MEGF9: variants seen among roughly 807,000 people sequenced by gnomAD.
The protein encoded by MEGF9 is multiple epidermal growth factor-like domains protein 9.
Under a neutral mutation model 46.8 loss-of-function variants are expected in MEGF9, and 6 were observed. The observed-to-expected ratio is 0.13, with a 90% CI of 0.07 to 0.25. The LOEUF (loss-of-function observed/expected upper bound fraction) is 0.25, where lower values mean the gene tolerates loss of function less well. Among genes scored for constraint, MEGF9 ranks in the 10% least tolerant of loss-of-function variants. MEGF9 has a pLI of 1.00. For synonymous variants in MEGF9, 302 were observed against 330.7 expected (o/e 0.91, Z 0.94); for missense variants, 683 against 792.4 (o/e 0.86, Z 1.66).
intron 1 of MEGF9, among the ~76,000 whole-genome samples, chr9:120,708,095 T>C (rs1299921337): frequency 3.3e-5 from 5 of 151,856 alleles, no homozygotes; most frequent in African/African-American, 4.8e-5. Flanking sequence ...TGGTAGCTCA[T>C]GCCTGTAATC....
intron 1 of MEGF9, among the ~76,000 whole-genome samples, chr9:120,695,315 T>A (rs1479609943): frequency 2.0e-5 from 3 of 151,758 alleles, no homozygotes; most frequent in African/African-American, 7.3e-5. Flanking sequence ...AAAAAGCAAG[T>A]AATCAAAAGG....
intron 1 of MEGF9, among the ~76,000 whole-genome samples, chr9:120,688,092 C>T (rs146808046): frequency 6.6e-6 from 1 of 150,434 alleles, no homozygotes; most frequent in Admixed American, 6.6e-5. Flanking sequence ...ACAAGTTTTG[C>T]ATCTGACTTA....
chr9:120,667,548 A>G (rs1376413199), intron 1 of MEGF9, among the ~76,000 whole-genome samples: 1 of 152,092 alleles, frequency 6.6e-6, no homozygotes, highest in Admixed American at 6.5e-5. Flanking sequence ...GCATGTAAAT[A>G]TAACTTTCAA....
At chr9:120,640,918 C>T (rs147390064) in intron 2 of MEGF9, among the ~76,000 whole-genome samples, 270 of 127,554 alleles carry the variant, frequency 2.1e-3, no homozygotes, top group African/African-American at 7.7e-3. Context: ...TCCATGTGTA[C>T]TCAATGTTTA....
intron 1 of MEGF9, among the ~76,000 whole-genome samples, chr9:120,690,681 G>C (rs1338275787): frequency 6.6e-6 from 1 of 152,118 alleles, no homozygotes; most frequent in African/African-American, 2.4e-5. Flanking sequence ...ATAATGAAAA[G>C]TTCCACTATC....
At chr9:120,706,603 G>A (rs1199427851) in intron 1 of MEGF9, among the ~76,000 whole-genome samples, 2 of 152,236 alleles carry the variant, frequency 1.3e-5, no homozygotes, top group African/African-American at 4.8e-5. Context: ...GGAAGGCCAA[G>A]GTGGGTGGAT....
chr9:120,691,549 G>A (rs555829842), intron 1 of MEGF9: 1 of 306,628 alleles, frequency 3.3e-6, no homozygotes, highest in Non-Finnish European at 6.9e-6. Flanking sequence ...AATAAAGTTG[G>A]ATAGTTTAAA....
intron 1 of MEGF9, among the ~76,000 whole-genome samples, chr9:120,683,896 A>C (rs1359691054): frequency 6.6e-6 from 1 of 151,922 alleles, no homozygotes; most frequent in African/African-American, 2.4e-5. Flanking sequence ...CCCTGCTTCA[A>C]AAAAAAACCC....
At chr9:120,642,892 G>A (rs2043609001) in intron 2 of MEGF9, among the ~76,000 whole-genome samples, 2 of 152,178 alleles carry the variant, frequency 1.3e-5, no homozygotes, top group African/African-American at 4.8e-5. Context: ...CTTCTGTAGT[G>A]TATGTAGAAA....
intron 4 of MEGF9, among the ~76,000 whole-genome samples, chr9:120,609,835 A>G (rs1395138920): frequency 1.3e-5 from 2 of 152,180 alleles, no homozygotes; most frequent in Non-Finnish European, 2.9e-5. Context: ...GTGGTCATGG[A>G]ACTTGTGGCA....
At chr9:120,709,815 G>A (rs778770987) in intron 1 of MEGF9, among the ~76,000 whole-genome samples, 1 of 151,864 alleles carries the variant, frequency 6.6e-6, no homozygotes, top group African/African-American at 2.4e-5. Flanking sequence ...TTGGGAGGCC[G>A]CGGTGGGCAG....
In MEGF9 at chr9:120,693,292, A is replaced by AAAG. The variant is rs1554799316; in HGVS notation, c.601+20463_601+20465dup. ...TGGTTAACCAAAAAAAAAAAAAAAA[A>AAAG]AAGAAGAAGAAGAAGAAGAAGAAAA... On this transcript the variant is annotated intron_variant, in intron 1 of 5. Coordinates refer to ENST00000373930, the MANE Select transcript of MEGF9 (RefSeq NM_001080497.3). 9.0e-3 allele frequency among the ~76,000 whole-genome samples: 1,333 copies of AAAG among 147,366 alleles called. 6 individuals carry two copies. Among genetic ancestry groups the AAAG allele is most frequent in the African/African-American group, 0.012 (458 of 38,566 alleles).
chr9:120,620,959 A>T (rs907122427), intron 3 of MEGF9, among the ~76,000 whole-genome samples: 1 of 152,154 alleles, frequency 6.6e-6, no homozygotes. Flanking sequence ...GACTTCAAGT[A>T]TTTTGCCACC....
intron 5 of MEGF9, among the ~76,000 whole-genome samples, chr9:120,606,384 A>G (rs1379875961): frequency 6.6e-6 from 1 of 152,228 alleles, no homozygotes; most frequent in Non-Finnish European, 1.5e-5. Context: ...TAAAGGTAAA[A>G]TAATTATCTG....
chr9:120,690,373 G>C (rs762419054), intron 1 of MEGF9, among the ~76,000 whole-genome samples: 1 of 152,174 alleles, frequency 6.6e-6, no homozygotes, highest in Non-Finnish European at 1.5e-5. Flanking sequence ...GTCAGTGTGT[G>C]TGTGTGTATA....
chr9:120,695,458 A>T (rs1222192625), intron 1 of MEGF9, among the ~76,000 whole-genome samples: 2 of 151,880 alleles, frequency 1.3e-5, no homozygotes, highest in African/African-American at 4.8e-5. Flanking sequence ...ACAAAAAATT[A>T]GCTGGGAGTG....
rs1170322238 is a variant in MEGF9 at position 120,628,468 on chromosome 9, GTTTTT to G, written c.804-5718_804-5714del. Among the ~76,000 whole-genome samples the G allele has an allele frequency of 1.3e-4, 9 of 69,060 alleles. No individual in the cohort carries two copies. In the East Asian group the frequency reaches 1.4e-3, roughly 10 times the overall value. The allele number at this position is 69,060 out of a possible 152,430, so 45.3% of individuals were successfully genotyped here. A position where few individuals can be genotyped will look rare whatever the true frequency, so the allele number is the denominator to read the frequency against. The stretch of plus-strand genomic sequence containing the variant: ...TATTCAGACAGAAATTCTTGTCGTT[GTTTTT>G]TTTTTTTTTTTTTTTTTTTTTTCAG... On this transcript the variant is annotated intron_variant, in intron 2 of 5. Coordinates refer to ENST00000373930, the MANE Select transcript of MEGF9 (RefSeq NM_001080497.3).
chr9:120,627,239 G>A (rs371124174), intron 2 of MEGF9, among the ~76,000 whole-genome samples: 28 of 152,240 alleles, frequency 1.8e-4, no homozygotes, highest in Admixed American at 5.9e-4. Flanking sequence ...TACATTAGGT[G>A]GGATCAAAGC....
intron 1 of MEGF9, among the ~76,000 whole-genome samples, chr9:120,692,988 A>G (rs1462512715): frequency 6.6e-6 from 1 of 152,096 alleles, no homozygotes; most frequent in Non-Finnish European, 1.5e-5. Context: ...ATCCTTCGCT[A>G]TGTTCTCAAT....
Sources: gnomAD v4.1 joint callset for allele counts (sites outside exome capture counted in the v4.1 genomes callset) on GRCh38, gnomAD v4.1.1 for gene constraint, MANE v1.5 for transcripts, NCBI Gene and HGNC (gene_info 2026-07-23, HGNC 2026-07-21) for gene names.